Variants in CSMD1 observed in about 807,000 individuals in gnomAD.
CSMD1 encodes CUB and Sushi multiple domains 1.
Under a neutral mutation model 417.5 loss-of-function variants are expected in CSMD1, and 213 were observed. The ratio of observed to expected loss-of-function variants is 0.51; its 90% CI spans 0.46 to 0.57. The LOEUF is 0.57. Ranked by LOEUF, CSMD1 falls within the 20% of genes least tolerant of loss-of-function variation. The pLI is 0.00. For missense variants in CSMD1, 6,923 were observed against 4,529.7 expected (o/e 1.53, Z -15.17); for synonymous variants, 2,862 against 1,736.8 (o/e 1.65, Z -16.11).
intron 5 of CSMD1, among the ~76,000 whole-genome samples, chr8:3,980,830 C>T (rs1369979433): frequency 2.0e-5 from 3 of 152,146 alleles, no homozygotes; most frequent in Non-Finnish European, 4.4e-5. Flanking sequence ...GTCCCCACTC[C>T]CAGCAGTTGG....
intron 1 of CSMD1, among the ~76,000 whole-genome samples, chr8:4,871,429 A>G (rs919156139): frequency 1.3e-5 from 2 of 152,144 alleles, no homozygotes; most frequent in African/African-American, 4.8e-5. Flanking sequence ...GTTCCAGTAC[A>G]GTGGCAATTC....
chr8:4,192,936 G>A (rs1251054580), intron 3 of CSMD1, among the ~76,000 whole-genome samples: 1 of 152,150 alleles, frequency 6.6e-6, no homozygotes, highest in Non-Finnish European at 1.5e-5. Flanking sequence ...AGTATTTTCT[G>A]TACGTGGTGC....
chr8:4,000,806 G>T (rs1039528835), intron 4 of CSMD1, among the ~76,000 whole-genome samples: 16 of 151,156 alleles, frequency 1.1e-4, no homozygotes, highest in Admixed American at 9.9e-4. Context: ...CAAAAGTTAT[G>T]GCATCTCAAT....
intron 3 of CSMD1, among the ~76,000 whole-genome samples, chr8:4,125,374 C>G (rs928514038): frequency 1.3e-5 from 2 of 152,300 alleles, no homozygotes; most frequent in East Asian, 3.9e-4. Context: ...ACCTGCAGGT[C>G]CCCTCCCTGC....
At chr8:3,218,322 G>A (rs1797999168) in intron 29 of CSMD1, among the ~76,000 whole-genome samples, 1 of 152,152 alleles carries the variant, frequency 6.6e-6, no homozygotes, top group Non-Finnish European at 1.5e-5. Context: ...AGCACTTTGG[G>A]AGGCCGAGGT....
intron 1 of CSMD1, among the ~76,000 whole-genome samples, chr8:4,903,084 G>T (rs575962453): frequency 6.6e-6 from 1 of 151,364 alleles, no homozygotes; most frequent in Non-Finnish European, 1.5e-5. Context: ...TTAGATATAC[G>T]CAGCCATACA....
At chr8:3,570,748 G>C (rs1799909497) in intron 10 of CSMD1, among the ~76,000 whole-genome samples, 1 of 152,136 alleles carries the variant, frequency 6.6e-6, no homozygotes, top group Non-Finnish European at 1.5e-5. Flanking sequence ...AAAATAACCT[G>C]TTCTTTCATT....
intron 5 of CSMD1, among the ~76,000 whole-genome samples, chr8:3,757,954 G>A (rs182730481): frequency 6.6e-6 from 1 of 152,170 alleles, no homozygotes; most frequent in East Asian, 1.9e-4. Flanking sequence ...TAAAAAAAAT[G>A]CGTAAGTCCT....
chr8:4,965,321 G>A (rs927024388), intron 1 of CSMD1, among the ~76,000 whole-genome samples: 12 of 152,202 alleles, frequency 7.9e-5, no homozygotes, highest in African/African-American at 4.8e-5. Context: ...TGCTTTACAT[G>A]TATTACTTCA....
In CSMD1 at chr8:4,758,301, G is replaced by A. The variant is rs1055804359; in HGVS notation, c.86-120743C>T. Among the ~76,000 whole-genome samples, 3 of 152,178 alleles carry A rather than the reference G, an allele frequency of 2.0e-5. 1 individual carries two copies. The highest frequency in any genetic ancestry group is 7.2e-5 in the African/African-American group (3 of 41,450). ...TGTTTCCCAACGTTGCCTTTTGAAT[G>A]TTATGCTTAATTCGCTGGTTCTGAT... is the stretch of plus-strand genomic sequence containing the variant. On this transcript the variant is annotated intron_variant, in intron 1 of 69. Transcript: ENST00000635120.
At chr8:3,411,796 GTATATATA>G (rs1812738951) in intron 12 of CSMD1, among the ~76,000 whole-genome samples, 2 of 108,310 alleles carry the variant, frequency 1.8e-5, no homozygotes, top group East Asian at 1.3e-3. Context: ...ATATATACAC[GTATATATA>G]CACGTATATA....
intron 1 of CSMD1, among the ~76,000 whole-genome samples, chr8:4,938,984 AG>A (rs920771843): frequency 3.9e-5 from 6 of 152,122 alleles, no homozygotes; most frequent in African/African-American, 1.4e-4. Flanking sequence ...TGTTTAAATC[AG>A]GTTATTTGTT....
chr8:4,648,379 T>G (rs1264219214), intron 1 of CSMD1, among the ~76,000 whole-genome samples: 2 of 152,162 alleles, frequency 1.3e-5, no homozygotes, highest in East Asian at 3.9e-4. Flanking sequence ...CGGGATTGTC[T>G]GTCACCAAGT....
chr8:4,170,745 G>C (rs111495528), intron 3 of CSMD1, among the ~76,000 whole-genome samples: 41 of 151,452 alleles, frequency 2.7e-4, no homozygotes, highest in Admixed American at 1.0e-3. Context: ...AATTAATACT[G>C]TTTAGAAAAA....
Position 3,369,309 on chromosome 8 carries a change from A to G in CSMD1, c.2844T>C (p.Asp948=), listed in dbSNP as rs763909636. ...TGCAGTTTAGAGAGTTTGGATAAAAATCTGGAAACCCAGGAGAAAGGACTG... is the reference window on the plus strand; with the variant it reads ...TGCAGTTTAGAGAGTTTGGATAAAAGTCTGGAAACCCAGGAGAAAGGACTG... ...SGTVLSPGFP[D]FYPNSLNCTW... is the part of the protein sequence containing the mutation. The change falls in exon 19 of 70, where the codon GAT becomes GAC. Residue 948 remains aspartate, a synonymous_variant. Coordinates refer to ENST00000635120, the MANE Select transcript of CSMD1 (RefSeq NM_033225.6). The G allele has an allele frequency of 2.8e-5, 45 of 1,609,014 alleles. No homozygotes were observed. In the South Asian group the frequency reaches 4.8e-4, roughly 17 times the overall value.
intron 26 of CSMD1, among the ~76,000 whole-genome samples, chr8:3,246,130 T>C (rs945117319): frequency 8.5e-5 from 13 of 152,112 alleles, no homozygotes; most frequent in African/African-American, 2.9e-4. Context: ...TCATGTCACT[T>C]CTTTATTTAA....
At chr8:3,574,859 A>G (rs1224045436) in intron 10 of CSMD1, 86 bp downstream of exon 10, 1 of 1,437,964 alleles carries the variant, frequency 7.0e-7, no homozygotes, top group Non-Finnish European at 9.5e-7. Flanking sequence ...AAGCACGGAT[A>G]GCATTTGCTG....
At chr8:3,799,889 T>A (rs901755447) in intron 5 of CSMD1, among the ~76,000 whole-genome samples, 1 of 152,202 alleles carries the variant, frequency 6.6e-6, no homozygotes, top group Admixed American at 6.6e-5. Context: ...GCTGACTTGC[T>A]ATATAATTGA....
chr8:3,022,479 G>A (rs976212554), intron 51 of CSMD1, among the ~76,000 whole-genome samples: 2 of 152,240 alleles, frequency 1.3e-5, no homozygotes, highest in Non-Finnish European at 2.9e-5. Context: ...GTTCCCACAG[G>A]AAAGTCTCTT....
Sources: allele counts gnomAD v4.1 joint callset (sites outside exome capture counted in the v4.1 genomes callset), GRCh38; gene constraint gnomAD v4.1.1; transcripts MANE v1.5; gene names NCBI Gene and HGNC (gene_info 2026-07-23, HGNC 2026-07-21).